ARHGAP44: variants seen among roughly 807,000 people sequenced by gnomAD.
The protein encoded by ARHGAP44 is rho GTPase-activating protein 44.
ARHGAP44 carries 43 observed loss-of-function variants against 106.8 expected under a neutral mutation model. The ratio of observed to expected loss-of-function variants is 0.40; its 90% CI spans 0.32 to 0.52. ARHGAP44 has a LOEUF of 0.52. Ranked by LOEUF, ARHGAP44 falls within the 20% of genes least tolerant of loss-of-function variation. ARHGAP44 has a pLI of 0.48. For missense variants in ARHGAP44, 866 were observed against 1,050.5 expected, an observed-to-expected ratio of 0.82 and a Z score of 2.43; for synonymous variants, 439 against 410.3, an observed-to-expected ratio of 1.07 and a Z score of -0.85.
intron 1 of ARHGAP44, among the ~76,000 whole-genome samples, chr17:12,874,335 C>G (rs1038785124): frequency 6.6e-6 from 1 of 152,184 alleles, no homozygotes; most frequent in Non-Finnish European, 1.5e-5. Context: ...GCTTTCCACC[C>G]TCTGTCGTGG....
chr17:12,917,550 G>A (rs772943745), intron 5 of ARHGAP44, among the ~76,000 whole-genome samples: 4 of 152,052 alleles, frequency 2.6e-5, no homozygotes, highest in Admixed American at 6.6e-5. Flanking sequence ...GGATGGTACC[G>A]CTCCATTGTG....
chr17:12,956,060 C>T, intron 14 of ARHGAP44, 80 bp downstream of exon 14: 4 of 960,500 alleles, frequency 4.2e-6, no homozygotes, highest in Non-Finnish European at 3.3e-6. Context: ...ACAGCTGGGG[C>T]CTAGCTGAGC....
chr17:12,847,707 C>A (rs904053574), intron 1 of ARHGAP44, among the ~76,000 whole-genome samples: 26 of 151,120 alleles, frequency 1.7e-4, no homozygotes, highest in Admixed American at 2.0e-4. Context: ...TTAGTAGAGA[C>A]GGGGTTTCAC....
intron 1 of ARHGAP44, among the ~76,000 whole-genome samples, chr17:12,862,974 CCTGT>C (rs1475809273): frequency 6.6e-6 from 1 of 150,620 alleles, no homozygotes; most frequent in Non-Finnish European, 1.5e-5. Flanking sequence ...AGAGTGAGAC[CCTGT>C]CTATTAAAAA....
chr17:12,957,569 G>A (rs1013209744), intron 15 of ARHGAP44, among the ~76,000 whole-genome samples: 2 of 152,016 alleles, frequency 1.3e-5, no homozygotes, highest in Non-Finnish European at 1.5e-5. Context: ...GTGAAGGTGG[G>A]GCTCAATCTC....
chr17:12,875,318 C>T (rs1478290508), intron 1 of ARHGAP44, among the ~76,000 whole-genome samples: 1 of 152,144 alleles, frequency 6.6e-6, no homozygotes, highest in African/African-American at 2.4e-5. Flanking sequence ...GGGGTCTGGG[C>T]GTGGTGGCTC....
intron 20 of ARHGAP44, 75 bp from the exon 21 acceptor site, chr17:12,989,957 A>G (rs1198855827): frequency 2.0e-5 from 32 of 1,567,426 alleles, no homozygotes; most frequent in South Asian, 2.3e-5. Context: ...TAAGGCTGAC[A>G]TTATTTGCCT....
intron 1 of ARHGAP44, among the ~76,000 whole-genome samples, chr17:12,884,271 A>G (rs1440573395): frequency 6.6e-6 from 1 of 151,992 alleles, no homozygotes; most frequent in Admixed American, 6.6e-5. Context: ...TGTGTTTACT[A>G]TTTTACTTTG....
At chr17:12,834,861 T>C (rs962826573) in intron 1 of ARHGAP44, among the ~76,000 whole-genome samples, 3 of 152,190 alleles carry the variant, frequency 2.0e-5, no homozygotes, top group Non-Finnish European at 2.9e-5. Context: ...ATAATGTAAA[T>C]ACATGATATA....
chr17:12,866,216 C>G (rs2036235472), intron 1 of ARHGAP44, among the ~76,000 whole-genome samples: 2 of 152,068 alleles, frequency 1.3e-5, no homozygotes, highest in South Asian at 4.1e-4. Context: ...GTTGGAAGTT[C>G]CTGTATGAAT....
In ARHGAP44 at chr17:12,987,179, C is replaced by T. The variant is rs947120078; in HGVS notation, c.2317+2271C>T. On this transcript the variant is annotated intron_variant, in intron 20 of 20. Coordinates refer to ENST00000379672, the MANE Select transcript of ARHGAP44 (RefSeq NM_014859.6). ...TAAGCTGGCCCCGGCCTCGCCCCTC[C>T]ACCCCGCTAGCTAGCCAGGCCAGCT... 6.5e-6 allele frequency: 10 copies of T among 1,527,368 alleles called. No homozygotes were observed. The African/African-American group carries it at 1.4e-4, about 21-fold the overall frequency. 94.6% of individuals were successfully genotyped at this position (1,527,368 alleles called of 1,614,324 possible).
intron 1 of ARHGAP44, among the ~76,000 whole-genome samples, chr17:12,877,456 A>G (rs2036590923): frequency 6.6e-6 from 1 of 152,244 alleles, no homozygotes; most frequent in African/African-American, 2.4e-5. Flanking sequence ...TAAAATTTTC[A>G]ATGCTTAGTT....
At chr17:12,937,174 G>T (rs1310625184) in intron 7 of ARHGAP44, among the ~76,000 whole-genome samples, 2 of 152,108 alleles carry the variant, frequency 1.3e-5, no homozygotes, top group East Asian at 1.9e-4. Context: ...GAGGGGGTTG[G>T]CGTTGAGTAT....
At chr17:12,848,749 A>G (rs1304752371) in intron 1 of ARHGAP44, among the ~76,000 whole-genome samples, 1 of 152,126 alleles carries the variant, frequency 6.6e-6, no homozygotes, top group Non-Finnish European at 1.5e-5. Flanking sequence ...ATACATGTTA[A>G]TCAAAAGAAA....
chr17:12,942,887 C>T (rs1480154454), intron 8 of ARHGAP44, among the ~76,000 whole-genome samples: 1 of 152,170 alleles, frequency 6.6e-6, no homozygotes, highest in African/African-American at 2.4e-5. Context: ...GTTCTTTGGA[C>T]TGCATCATTT....
intron 3 of ARHGAP44, among the ~76,000 whole-genome samples, chr17:12,898,628 C>G (rs894298203): frequency 6.6e-6 from 1 of 152,178 alleles, no homozygotes; most frequent in Non-Finnish European, 1.5e-5. Context: ...TCCAGCTCCA[C>G]GCATCACATC....
rs900260211 is a variant in ARHGAP44 at position 12,958,509 on chromosome 17, T to A, written c.1343-208T>A. On this transcript the variant is annotated intron_variant, in intron 15 of 20. Coordinates refer to ENST00000379672, the MANE Select transcript of ARHGAP44 (RefSeq NM_014859.6). The surrounding 1 kb of genome is among the most constrained non-coding windows in gnomAD (Gnocchi z 4.1). ...TTTTTTTTTTTTCACAAATTGACAT[T>A]GCTTTATTAAATGCCTATATAGGTG... Among the ~76,000 whole-genome samples the A allele has an allele frequency of 1.3e-5, 2 of 152,122 alleles. No individual in the cohort carries two copies. Among genetic ancestry groups the A allele is most frequent in the Admixed American group, 1.3e-4 (2 of 15,274 alleles).
chr17:12,836,106 G>T (rs2035229396), intron 1 of ARHGAP44, among the ~76,000 whole-genome samples: 1 of 152,070 alleles, frequency 6.6e-6, no homozygotes, highest in Non-Finnish European at 1.5e-5. Flanking sequence ...ATATGGGTGT[G>T]CAAATCTCTC....
intron 3 of ARHGAP44, among the ~76,000 whole-genome samples, chr17:12,907,858 A>G (rs114279182): frequency 8.5e-4 from 130 of 152,256 alleles, no homozygotes; most frequent in African/African-American, 3.0e-3. Flanking sequence ...GCCATGTGAT[A>G]ATTCTGCTTA....
Sources: gnomAD v4.1 joint callset for allele counts (sites outside exome capture counted in the v4.1 genomes callset) on GRCh38, gnomAD v4.1.1 for gene constraint, Gnocchi (gnomAD v3.1) non-coding constraint, MANE v1.5 for transcripts, NCBI Gene and HGNC (gene_info 2026-07-23, HGNC 2026-07-21) for gene names.